Variants in PTPRD observed in about 807,000 individuals in gnomAD.
PTPRD encodes receptor-type tyrosine-protein phosphatase delta.
Under a neutral mutation model 214.5 loss-of-function variants are expected in PTPRD, and 34 were observed. The observed-to-expected ratio is 0.16, with a 90% CI of 0.12 to 0.21. The LOEUF is 0.21. Ranked by LOEUF, PTPRD falls within the 10% of genes least tolerant of loss-of-function variation. PTPRD has a pLI of 1.00. For missense variants in PTPRD, 2,545 were observed against 2,398.7 expected (o/e 1.06, Z -1.27); for synonymous variants, 1,128 against 845.7 (o/e 1.33, Z -5.79).
rs3050038 is a variant in PTPRD at position 9,758,148 on chromosome 9, C to CAAAAA, written c.-326+8657_-326+8661dup. Among the ~76,000 whole-genome samples, 667 of 114,890 alleles carry CAAAAA rather than the reference C, an allele frequency of 5.8e-3. 16 individuals carry two copies. The highest frequency in any genetic ancestry group is 0.021 in the African/African-American group (634 of 29,700). 75.4% of individuals were successfully genotyped at this position (114,890 alleles called of 152,430 possible). A position where few individuals can be genotyped will look rare whatever the true frequency, so the allele number is the denominator to read the frequency against. ...GTTCACATCTCAAGAGTAAAAATGGCAAAAAAAAAAAAAAATTGTATTCTC... is the reference window on the plus strand; with the variant it reads ...GTTCACATCTCAAGAGTAAAAATGGCAAAAAAAAAAAAAAAAAAAATTGTATTCTC... On this transcript the variant is annotated intron_variant, in intron 6 of 45. Transcript: ENST00000381196.
chr9:9,284,896 C>T (rs1361304958), intron 9 of PTPRD, among the ~76,000 whole-genome samples: 1 of 151,734 alleles, frequency 6.6e-6, no homozygotes, highest in African/African-American at 2.4e-5. Flanking sequence ...GTATCTGGCA[C>T]AGAATAGATG....
chr9:8,533,335 G>A (rs552241217), intron 14 of PTPRD, among the ~76,000 whole-genome samples: 7 of 152,020 alleles, frequency 4.6e-5, no homozygotes, highest in African/African-American at 9.6e-5. Flanking sequence ...CTGATTTAAC[G>A]AAGTCTTCAA....
At chr9:8,320,086 C>T (rs1825838877) in intron 44 of PTPRD, 120 bp from the exon 45 acceptor site, 3 of 1,231,908 alleles carry the variant, frequency 2.4e-6, no homozygotes, top group East Asian at 2.6e-5. Flanking sequence ...TAGCCATATT[C>T]AGGAAAACAT....
At chr9:10,277,216 C>A (rs34677439) in intron 3 of PTPRD, among the ~76,000 whole-genome samples, 2,880 of 81,514 alleles carry the variant, frequency 0.035, 54 homozygotes, top group Middle Eastern at 0.078. Flanking sequence ...CATAAACATA[C>A]AACATAAACA....
At chr9:9,856,731 G>A (rs552307988) in intron 5 of PTPRD, among the ~76,000 whole-genome samples, 10 of 152,194 alleles carry the variant, frequency 6.6e-5, no homozygotes, top group Middle Eastern at 3.4e-3. Flanking sequence ...CTGCAGCAGC[G>A]GGATACTTTT....
intron 7 of PTPRD, among the ~76,000 whole-genome samples, chr9:9,617,566 G>T (rs777766221): frequency 9.2e-5 from 14 of 152,100 alleles, no homozygotes; most frequent in Non-Finnish European, 1.8e-4. Flanking sequence ...AATGAAAAAA[G>T]AGAGTTCTAG....
At chr9:8,397,443 T>G (rs2091450750) in intron 36 of PTPRD, among the ~76,000 whole-genome samples, 1 of 152,206 alleles carries the variant, frequency 6.6e-6, no homozygotes, top group South Asian at 2.1e-4. Context: ...TAGACTGTAT[T>G]AACATATTTT....
At chr9:10,334,891 T>G (rs2096818420) in intron 3 of PTPRD, among the ~76,000 whole-genome samples, 1 of 151,716 alleles carries the variant, frequency 6.6e-6, no homozygotes, top group Non-Finnish European at 1.5e-5. Context: ...TAACAAAATA[T>G]GTATGTGATA....
At chr9:9,983,127 G>T (rs779609334) in intron 4 of PTPRD, among the ~76,000 whole-genome samples, 19 of 152,010 alleles carry the variant, frequency 1.2e-4, no homozygotes, top group Non-Finnish European at 2.4e-4. Flanking sequence ...TGATTTGGAT[G>T]CAAATCAAAT....
At chr9:9,362,930 G>C (rs961782328) in intron 9 of PTPRD, among the ~76,000 whole-genome samples, 6 of 151,232 alleles carry the variant, frequency 4.0e-5, no homozygotes, top group Non-Finnish European at 5.9e-5. Context: ...GTGGTCAGTG[G>C]TGGAACGTAG....
intron 3 of PTPRD, among the ~76,000 whole-genome samples, chr9:10,112,814 C>G (rs1463723932): frequency 6.6e-6 from 1 of 152,194 alleles, no homozygotes; most frequent in Non-Finnish European, 1.5e-5. Context: ...TCTGTAGATT[C>G]CTAAGGATGA....
At chr9:9,459,331 T>G (rs75601774) in intron 8 of PTPRD, among the ~76,000 whole-genome samples, 1,866 of 152,146 alleles carry the variant, frequency 0.012, 29 homozygotes, top group African/African-American at 0.043. Context: ...CTATTTAAAA[T>G]AGTAGTGGAA....
At chr9:9,306,143 A>T (rs1233800831) in intron 9 of PTPRD, among the ~76,000 whole-genome samples, 2 of 152,184 alleles carry the variant, frequency 1.3e-5, no homozygotes, top group African/African-American at 2.4e-5. Context: ...GCCTTTGGCC[A>T]AGTGGAAATT....
intron 2 of PTPRD, among the ~76,000 whole-genome samples, chr9:10,402,397 T>C: frequency 6.6e-6 from 1 of 151,786 alleles, no homozygotes; most frequent in East Asian, 1.9e-4. Context: ...CTAACATTAA[T>C]GCATTTGGAA....
Position 8,375,997 on chromosome 9 carries a change from A to C in PTPRD, c.4600T>G (p.Phe1534Val). The C allele has an allele frequency of 1.2e-6, 2 of 1,612,948 alleles. No homozygotes were observed. Among genetic ancestry groups the C allele is most frequent in the Non-Finnish European group, 1.7e-6 (2 of 1,179,278 alleles). Residue 1534 changes from phenylalanine (F) to valine (V), a missense_variant, in exon 39 of 46, where the codon TTC becomes GTC. Transcript: ENST00000381196. ...TTACAGGTTTTGACTCTACGTAAGA[A>C]AGCTAGAAAAGGTGTAGGGTGTTCT... The part of the protein sequence containing the change: ...VPEHPTPFLA[F>V]LRRVKTCNPP...
chr9:8,881,185 A>G (rs1359457371), intron 11 of PTPRD, among the ~76,000 whole-genome samples: 3 of 152,218 alleles, frequency 2.0e-5, no homozygotes, highest in Non-Finnish European at 2.9e-5. Context: ...TGTGGATACA[A>G]TGGGAAAGAA....
intron 9 of PTPRD, among the ~76,000 whole-genome samples, chr9:9,381,660 C>T (rs1018417372): frequency 9.4e-5 from 14 of 149,432 alleles, no homozygotes; most frequent in African/African-American, 3.0e-4. Context: ...GACAGCTACA[C>T]TTGTAAAAAG....
chr9:10,006,490 G>T (rs2096479674), intron 4 of PTPRD, among the ~76,000 whole-genome samples: 1 of 151,840 alleles, frequency 6.6e-6, no homozygotes, highest in Non-Finnish European at 1.5e-5. Context: ...CCCAATGTTA[G>T]AATAAGCTAT....
At chr9:8,606,701 A>G (rs748261232) in intron 14 of PTPRD, among the ~76,000 whole-genome samples, 6 of 152,152 alleles carry the variant, frequency 3.9e-5, no homozygotes, top group Non-Finnish European at 8.8e-5. Flanking sequence ...ACAATGCTAA[A>G]CAGTCTTTTC....
Sources: allele counts gnomAD v4.1 joint callset (sites outside exome capture counted in the v4.1 genomes callset), GRCh38; gene constraint gnomAD v4.1.1; transcripts MANE v1.5; gene names NCBI Gene and HGNC (gene_info 2026-07-23, HGNC 2026-07-21).